Variants in ELL2 observed in about 807,000 individuals in gnomAD.
ELL2 encodes the protein RNA polymerase II elongation factor ELL2.
A neutral mutation model predicts 72.8 loss-of-function variants in ELL2; 21 were observed. The observed-to-expected ratio is 0.29, with a 90% CI of 0.20 to 0.42. The LOEUF is 0.42. Ranked by LOEUF, ELL2 falls within the 10% of genes least tolerant of loss-of-function variation. ELL2 has a pLI of 1.00. For synonymous variants in ELL2, 266 were observed against 283.2 expected (o/e 0.94, Z 0.61); for missense variants, 568 against 772.8 (o/e 0.73, Z 3.14).
At chr5:95,958,724 C>T (rs938823986) in intron 1 of ELL2, among the ~76,000 whole-genome samples, 2 of 152,150 alleles carry the variant, frequency 1.3e-5, no homozygotes, top group African/African-American at 4.8e-5. Flanking sequence ...CTAATACAAG[C>T]TACTTGGCTC....
chr5:95,949,135 C>CTA (rs1331399098), intron 1 of ELL2, among the ~76,000 whole-genome samples: 2 of 152,176 alleles, frequency 1.3e-5, no homozygotes, highest in African/African-American at 4.8e-5. Context: ...TTTCCAGGGA[C>CTA]TATTCCTCAC....
At chr5:95,910,565 C>T (rs1749550630) in intron 4 of ELL2, among the ~76,000 whole-genome samples, 1 of 152,018 alleles carries the variant, frequency 6.6e-6, no homozygotes, top group Admixed American at 6.5e-5. Context: ...CCTCTCTAGG[C>T]AAATAGATTT....
Position 95,919,529 on chromosome 5 carries a change from T to C in ELL2, c.212A>G (p.Lys71Arg), listed in dbSNP as rs758611497. Residue 71 changes from lysine (K) to arginine (R), a missense_variant, in exon 3 of 12, where the codon AAA becomes AGA. By Grantham distance (26) the Lys-to-Arg change is conservative. Coordinates refer to ENST00000237853, the MANE Select transcript of ELL2 (RefSeq NM_012081.6). Reference protein sequence around the residue: ...QGLHGLVKIPKNDPLNEVHNF... With the variant: ...QGLHGLVKIPRNDPLNEVHNF... ...ATGAACTTCATTGAGGGGATCATTT[T>C]TGGGAATTTTGACAAGCTAAAATGA... The C allele has an allele frequency of 1.3e-5, 21 of 1,565,044 alleles. No individual in the cohort carries two copies. The East Asian group carries it at 1.7e-4, about 12-fold the overall frequency.
chr5:95,952,570 G>A (rs975585370), intron 1 of ELL2, among the ~76,000 whole-genome samples: 1 of 152,086 alleles, frequency 6.6e-6, no homozygotes, highest in Non-Finnish European at 1.5e-5. Flanking sequence ...CTTTATGTCT[G>A]TACTTATTGA....
intron 2 of ELL2, 136 bp from the exon 3 acceptor site, chr5:95,919,681 T>C (rs1749973125): frequency 2.1e-6 from 2 of 975,154 alleles, no homozygotes; most frequent in Admixed American, 3.8e-5. Flanking sequence ...CCTCGCAGCA[T>C]TTAAATGACC....
Position 95,907,277 on chromosome 5 carries a change from G to GATATAT in ELL2, c.482-501_482-496dup, listed in dbSNP as rs748817419. ...TCAACATCATGAGGCATCCGTTAGT[G>GATATAT]ATATATATATATATATATATTTTTT... On this transcript the variant is annotated intron_variant, in intron 4 of 11. Coordinates refer to ENST00000237853, the MANE Select transcript of ELL2 (RefSeq NM_012081.6). Among the ~76,000 whole-genome samples the GATATAT allele has an allele frequency of 1.3e-3, 152 of 119,922 alleles. 1 individual carries two copies. Among genetic ancestry groups the GATATAT allele is most frequent in the African/African-American group, 5.2e-3 (147 of 28,384 alleles). 78.7% of individuals were successfully genotyped at this position (119,922 alleles called of 152,430 possible).
At chr5:95,955,445 T>C (rs536294161) in intron 1 of ELL2, among the ~76,000 whole-genome samples, 1 of 152,308 alleles carries the variant, frequency 6.6e-6, no homozygotes, top group South Asian at 2.1e-4. Flanking sequence ...GTGGCAACTC[T>C]TAAACCAGTT....
chr5:95,896,925 T>C (rs1213884240), intron 8 of ELL2, among the ~76,000 whole-genome samples: 2 of 152,208 alleles, frequency 1.3e-5, no homozygotes, highest in Non-Finnish European at 2.9e-5. Context: ...GTGGAAAGTG[T>C]GGAGAGTGGA....
chr5:95,960,658 C>T (rs1181801373), intron 1 of ELL2, among the ~76,000 whole-genome samples: 2 of 152,088 alleles, frequency 1.3e-5, no homozygotes, highest in Non-Finnish European at 1.5e-5. Context: ...CCAGAGTCAG[C>T]CCAAGACGCC....
At chr5:95,950,941 TATATATATATATAA>T (rs1284913963) in intron 1 of ELL2, among the ~76,000 whole-genome samples, 75 of 109,290 alleles carry the variant, frequency 6.9e-4, no homozygotes, top group African/African-American at 2.4e-3. Context: ...TATATATATA[TATATATATATATAA>T]AATCTTCATA....
In ELL2 at chr5:95,961,836, C is replaced by T; in HGVS notation, c.-115G>A. 7.3e-7 allele frequency: 1 copy of T among 1,363,514 alleles called. No homozygotes were observed. The highest frequency in any genetic ancestry group is 2.7e-5 in the East Asian group (1 of 36,592). The allele number at this position is 1,363,514 out of a possible 1,614,324, so 84.5% of individuals were successfully genotyped here. ...ACTGCTAGGGCCATCCCGCTGCTGA[C>T]GTACTGTCATATACTGCGCGGAGCC... On this transcript the variant is annotated 5_prime_UTR_variant, in exon 1 of 12. Coordinates refer to ENST00000237853, the MANE Select transcript of ELL2 (RefSeq NM_012081.6).
intron 9 of ELL2, among the ~76,000 whole-genome samples, chr5:95,891,806 G>A (rs1437182668): frequency 1.3e-5 from 2 of 152,170 alleles, no homozygotes; most frequent in African/African-American, 4.8e-5. Context: ...AAGTGCCTCA[G>A]GCTTGCTTCC....
At chr5:95,938,532 T>A (rs1305780831) in intron 2 of ELL2, among the ~76,000 whole-genome samples, 1 of 152,158 alleles carries the variant, frequency 6.6e-6, no homozygotes, top group African/African-American at 2.4e-5. Context: ...GAGGCCAGCC[T>A]GGGCAACACA....
chr5:95,889,020 A>C, intron 11 of ELL2, 33 bp from the exon 12 acceptor site: 1 of 1,568,362 alleles, frequency 6.4e-7, no homozygotes, highest in Non-Finnish European at 8.7e-7. Flanking sequence ...AAAAAGAGGA[A>C]TGAGATTGCA....
chr5:95,953,224 A>C (rs916330936), intron 1 of ELL2, among the ~76,000 whole-genome samples: 4 of 152,220 alleles, frequency 2.6e-5, no homozygotes, highest in African/African-American at 9.6e-5. Context: ...TGACTTATTC[A>C]GCTTTCTATC....
At chr5:95,927,898 C>G (rs1750453663) in intron 2 of ELL2, among the ~76,000 whole-genome samples, 3 of 150,036 alleles carry the variant, frequency 2.0e-5, no homozygotes, top group Admixed American at 2.0e-4. Context: ...AATCCATTAA[C>G]TGGTTAAGTG....
rs558373916 is a variant in ELL2 at position 95,927,652 on chromosome 5, T to C, written c.196-8107A>G. 7.8e-5 allele frequency among the ~76,000 whole-genome samples: 3 copies of C among 38,442 alleles called. 1 individual carries two copies. Among genetic ancestry groups the C allele is most frequent in the African/African-American group, 4.5e-4 (2 of 4,422 alleles). 25.2% of individuals were successfully genotyped at this position (38,442 alleles called of 152,430 possible). A position where few individuals can be genotyped will look rare whatever the true frequency, so the allele number is the denominator to read the frequency against. On this transcript the variant is annotated intron_variant, in intron 2 of 11. Coordinates refer to ENST00000237853, the MANE Select transcript of ELL2 (RefSeq NM_012081.6). ...ACACACACACGTGTGTATATAGACA[T>C]ACACACACACGTGTGTATATAGACA...
At chr5:95,950,898 GTATGTGTATATATATA>G (rs1490902269) in intron 1 of ELL2, among the ~76,000 whole-genome samples, 1 of 29,284 alleles carries the variant, frequency 3.4e-5, no homozygotes, top group Non-Finnish European at 5.7e-5. Flanking sequence ...ATGTATGTAT[GTATGTGTATATATATA>G]TATATATATA....
intron 4 of ELL2, among the ~76,000 whole-genome samples, chr5:95,907,296 A>ATATATATTTTTTTTTTT: frequency 1.5e-4 from 18 of 116,512 alleles, no homozygotes; most frequent in African/African-American, 5.3e-4. Context: ...ATATATATAT[A>ATATATATTTTTTTTTTT]TTTTTTTTTT....
Sources: allele counts gnomAD v4.1 joint callset (sites outside exome capture counted in the v4.1 genomes callset), GRCh38; gene constraint gnomAD v4.1.1; transcripts MANE v1.5; gene names NCBI Gene and HGNC (gene_info 2026-07-23, HGNC 2026-07-21).